Variants in ATP8A2 observed in about 807,000 individuals in gnomAD.
The protein encoded by ATP8A2 is ATPase phospholipid transporting 8A2, also known as phospholipid-transporting ATPase IB.
In ATP8A2, 100 loss-of-function variants were observed where a neutral mutation model predicts 165.6. The ratio of observed to expected loss-of-function variants is 0.60; its 90% CI spans 0.51 to 0.71. The LOEUF (loss-of-function observed/expected upper bound fraction) is 0.71. Ranked by LOEUF, ATP8A2 falls within the 30% of genes least tolerant of loss-of-function variation. The pLI, the probability that ATP8A2 is intolerant of heterozygous loss-of-function variation, is 0.00. For missense variants in ATP8A2, 1,227 were observed against 1,479.5 expected, an observed-to-expected ratio of 0.83 and a Z score of 2.80; for synonymous variants, 543 against 548.8, an observed-to-expected ratio of 0.99 and a Z score of 0.15.
intron 36 of ATP8A2, among the ~76,000 whole-genome samples, chr13:26,016,070 AG>A (rs1266478926): frequency 6.6e-6 from 1 of 152,172 alleles, no homozygotes; most frequent in Admixed American, 6.5e-5. Context: ...GGTTTCTAAG[AG>A]GAAAATGTTT....
intron 24 of ATP8A2, among the ~76,000 whole-genome samples, chr13:25,650,120 C>G (rs2041775519): frequency 6.6e-6 from 1 of 152,164 alleles, no homozygotes; most frequent in South Asian, 2.1e-4. Context: ...TCTGTGAGGC[C>G]CTGGGCCAAC....
intron 7 of ATP8A2, 38 bp downstream of exon 7, chr13:25,538,099 G>A: frequency 6.5e-7 from 1 of 1,532,680 alleles, no homozygotes; most frequent in Non-Finnish European, 9.0e-7. Context: ...TGCAATAAAT[G>A]TTAAGAACAA....
chr13:25,635,293 G>A (rs1276569660), intron 24 of ATP8A2, among the ~76,000 whole-genome samples: 1 of 152,168 alleles, frequency 6.6e-6, no homozygotes, highest in Non-Finnish European at 1.5e-5. Flanking sequence ...AGTGACTTGG[G>A]GAGAAAGCAC....
chr13:25,648,395 G>A (rs865954736), intron 24 of ATP8A2, among the ~76,000 whole-genome samples: 1 of 152,180 alleles, frequency 6.6e-6, no homozygotes, highest in Non-Finnish European at 1.5e-5. Context: ...GCTGGGTGTG[G>A]TGACTCACGC....
rs188092094 is a variant in ATP8A2 at position 25,519,443 on chromosome 13, G to A, written c.222-10556G>A. 2.5e-4 allele frequency among the ~76,000 whole-genome samples: 38 copies of A among 151,896 alleles called. No individual in the cohort carries two copies. In the East Asian group the frequency reaches 6.6e-3, roughly 26 times the overall value. On this transcript the variant is annotated intron_variant, in intron 2 of 36. Coordinates refer to ENST00000381655, the MANE Select transcript of ATP8A2 (RefSeq NM_016529.6). ...GAGGGTGTGCGTTTTTGACCACTTG[G>A]TTCCCTTTAGTATCTCCGGGGGCTG...
intron 24 of ATP8A2, among the ~76,000 whole-genome samples, chr13:25,660,171 T>G (rs749098362): frequency 1.3e-5 from 2 of 152,178 alleles, no homozygotes; most frequent in Non-Finnish European, 2.9e-5. Flanking sequence ...GAGAAGCCAG[T>G]GGGTTCCTTT....
intron 25 of ATP8A2, among the ~76,000 whole-genome samples, chr13:25,716,346 A>G: frequency 6.6e-6 from 1 of 152,126 alleles, no homozygotes; most frequent in Non-Finnish European, 1.5e-5. Flanking sequence ...CAGTTTATCT[A>G]CTTTTTTTTG....
At chr13:25,671,041 C>T (rs926131152) in intron 24 of ATP8A2, among the ~76,000 whole-genome samples, 9 of 152,120 alleles carry the variant, frequency 5.9e-5, no homozygotes, top group Admixed American at 2.0e-4. Context: ...ACGGAGGGAC[C>T]GGCTGAAGCC....
intron 24 of ATP8A2, among the ~76,000 whole-genome samples, chr13:25,668,522 C>T (rs1435696770): frequency 6.6e-6 from 1 of 151,972 alleles, no homozygotes; most frequent in Non-Finnish European, 1.5e-5. Context: ...TTGAGTTTAT[C>T]CTACTTGGAG....
chr13:25,621,602 A>G (rs2040970728), intron 24 of ATP8A2, among the ~76,000 whole-genome samples: 1 of 152,118 alleles, frequency 6.6e-6, no homozygotes, highest in South Asian at 2.1e-4. Flanking sequence ...CATTTACCAA[A>G]TCCAGTCCTG....
intron 30 of ATP8A2, among the ~76,000 whole-genome samples, chr13:25,848,688 T>C (rs1050694397): frequency 2.0e-5 from 3 of 152,238 alleles, no homozygotes; most frequent in Non-Finnish European, 2.9e-5. Context: ...CCGGCAGCGC[T>C]GGTTGTGAAT....
chr13:25,734,460 T>C (rs2138107353), intron 25 of ATP8A2, among the ~76,000 whole-genome samples: 1 of 152,338 alleles, frequency 6.6e-6, no homozygotes, highest in Admixed American at 6.5e-5. Context: ...ACTGATATAG[T>C]ACTTTATAGT....
chr13:25,948,966 A>C (rs1353619705), intron 33 of ATP8A2, among the ~76,000 whole-genome samples: 1 of 152,220 alleles, frequency 6.6e-6, no homozygotes, highest in Non-Finnish European at 1.5e-5. Flanking sequence ...TTGGCCTTGC[A>C]AGAAACACTT....
chr13:25,874,650 A>C (rs1952776853), intron 33 of ATP8A2, among the ~76,000 whole-genome samples: 1 of 152,196 alleles, frequency 6.6e-6, no homozygotes, highest in Non-Finnish European at 1.5e-5. Flanking sequence ...TATGGAAAAC[A>C]GCACGGAGGT....
intron 24 of ATP8A2, among the ~76,000 whole-genome samples, chr13:25,675,612 A>G (rs974860075): frequency 5.3e-5 from 8 of 152,256 alleles, no homozygotes; most frequent in African/African-American, 1.9e-4. Flanking sequence ...ATGTGAAATC[A>G]TTACACTCTA....
At chr13:25,558,708 A>G (rs2138100570) in intron 13 of ATP8A2, among the ~76,000 whole-genome samples, 1 of 152,342 alleles carries the variant, frequency 6.6e-6, no homozygotes, top group East Asian at 1.9e-4. Flanking sequence ...CATATCATTC[A>G]GTAGCACATC....
chr13:25,941,606 A>C lies in ATP8A2; in HGVS notation c.3184-19969A>C, dbSNP rs562336789. Among the ~76,000 whole-genome samples, 16 of 152,280 alleles carry C rather than the reference A, an allele frequency of 1.1e-4. 1 individual carries two copies. The highest frequency in any genetic ancestry group is 4.2e-4 in the South Asian group (2 of 4,816). ...TCTCCTCACCCGTCCCATCCTGACC[A>C]ATTGCTGCTTGAGGACAACCACTGT... On this transcript the variant is annotated intron_variant, in intron 33 of 36. Coordinates refer to ENST00000381655, the MANE Select transcript of ATP8A2 (RefSeq NM_016529.6).
chr13:25,600,377 T>TACTCC (rs1334382152), intron 24 of ATP8A2, among the ~76,000 whole-genome samples: 2 of 152,238 alleles, frequency 1.3e-5, no homozygotes, highest in Non-Finnish European at 2.9e-5. Context: ...TGGTAGTTCC[T>TACTCC]ACTCCAGTAG....
At chr13:25,653,838 A>C (rs1045847326) in intron 24 of ATP8A2, among the ~76,000 whole-genome samples, 1 of 152,160 alleles carries the variant, frequency 6.6e-6, no homozygotes, top group Non-Finnish European at 1.5e-5. Flanking sequence ...TAAGCATATG[A>C]GCTAAGGTAG....
Sources: gnomAD v4.1 joint callset for allele counts (sites outside exome capture counted in the v4.1 genomes callset) on GRCh38, gnomAD v4.1.1 for gene constraint, MANE v1.5 for transcripts, NCBI Gene and HGNC (gene_info 2026-07-23, HGNC 2026-07-21) for gene names.